Variants in GALNT17 observed in about 807,000 individuals in gnomAD.
GALNT17 encodes the protein polypeptide N-acetylgalactosaminyltransferase 17.
Under a neutral mutation model 63.7 loss-of-function variants are expected in GALNT17, and 29 were observed. The ratio of observed to expected loss-of-function variants is 0.46; its 90% CI spans 0.34 to 0.62. The LOEUF (loss-of-function observed/expected upper bound fraction) is 0.62. Among genes scored for constraint, GALNT17 ranks in the 20% least tolerant of loss-of-function variants. GALNT17 has a pLI of 0.01. For missense variants in GALNT17, 603 were observed against 799.6 expected (o/e 0.75, Z 2.97); for synonymous variants, 305 against 318.3 (o/e 0.96, Z 0.45).
At chr7:71,652,170 C>G (rs1415981793) in intron 6 of GALNT17, among the ~76,000 whole-genome samples, 2 of 152,042 alleles carry the variant, frequency 1.3e-5, no homozygotes, top group African/African-American at 4.8e-5. Context: ...AACTGCTCAT[C>G]ACAAAACACT....
chr7:71,512,530 C>T (rs1414513248), intron 5 of GALNT17, among the ~76,000 whole-genome samples: 1 of 152,190 alleles, frequency 6.6e-6, no homozygotes, highest in Non-Finnish European at 1.5e-5. Flanking sequence ...CTTCAGTCAG[C>T]TTGGGCCATG....
intron 1 of GALNT17, among the ~76,000 whole-genome samples, chr7:71,216,522 C>A (rs1350331777): frequency 1.3e-5 from 2 of 151,916 alleles, no homozygotes; most frequent in African/African-American, 2.4e-5. Context: ...GCGCTTCTTA[C>A]AACACACACA....
At chr7:71,389,888 A>T (rs573798140) in intron 3 of GALNT17, among the ~76,000 whole-genome samples, 6 of 152,162 alleles carry the variant, frequency 3.9e-5, no homozygotes, top group Admixed American at 3.9e-4. Context: ...TGAAAACTGT[A>T]CAACAGGCAA....
At chr7:71,189,567 G>T (rs1363588311) in intron 1 of GALNT17, among the ~76,000 whole-genome samples, 2 of 152,040 alleles carry the variant, frequency 1.3e-5, no homozygotes, top group African/African-American at 4.8e-5. Context: ...AATGATCTTG[G>T]CTGGGAGGAT....
chr7:71,352,246 T>C (rs1275331934), intron 2 of GALNT17, among the ~76,000 whole-genome samples: 4 of 152,216 alleles, frequency 2.6e-5, no homozygotes, highest in Non-Finnish European at 4.4e-5. Flanking sequence ...GCAGTGCCTT[T>C]TACCTTCTGC....
chr7:71,433,567 C>T (rs2116494958), intron 5 of GALNT17, among the ~76,000 whole-genome samples: 1 of 152,308 alleles, frequency 6.6e-6, no homozygotes, highest in African/African-American at 2.4e-5. Context: ...AGTCCTTCAA[C>T]AAGATGAAGA....
intron 6 of GALNT17, among the ~76,000 whole-genome samples, chr7:71,629,200 T>C (rs1468992373): frequency 6.6e-6 from 1 of 151,538 alleles, no homozygotes; most frequent in Admixed American, 6.6e-5. Context: ...CAAGTTAGGG[T>C]TCTAGCAGAG....
chr7:71,405,896 T>C (rs983299917), intron 3 of GALNT17, among the ~76,000 whole-genome samples: 12 of 152,188 alleles, frequency 7.9e-5, no homozygotes, highest in African/African-American at 2.9e-4. Context: ...TAGCACACGC[T>C]CTGTGCTTCC....
intron 1 of GALNT17, among the ~76,000 whole-genome samples, chr7:71,312,976 G>A (rs1459799396): frequency 6.6e-6 from 1 of 152,074 alleles, no homozygotes; most frequent in African/African-American, 2.4e-5. Flanking sequence ...GGGCATTGTG[G>A]TGTGTACCTG....
intron 6 of GALNT17, among the ~76,000 whole-genome samples, chr7:71,587,802 C>T (rs2116911104): frequency 6.6e-6 from 1 of 152,158 alleles, no homozygotes; most frequent in South Asian, 2.1e-4. Flanking sequence ...AATAGCCAAG[C>T]CACATGCCGG....
intron 5 of GALNT17, among the ~76,000 whole-genome samples, chr7:71,458,580 T>C (rs571947100): frequency 6.6e-5 from 10 of 152,190 alleles, no homozygotes; most frequent in Non-Finnish European, 1.5e-4. Context: ...GCCTGGGTTC[T>C]TGCCTGGTGT....
intron 3 of GALNT17, among the ~76,000 whole-genome samples, chr7:71,389,959 A>G (rs1793019995): frequency 6.6e-6 from 1 of 152,200 alleles, no homozygotes; most frequent in Admixed American, 6.5e-5. Flanking sequence ...CAGTTGGACA[A>G]AGGCGTGGCA....
At chr7:71,490,810 G>C (rs1171798467) in intron 5 of GALNT17, among the ~76,000 whole-genome samples, 1 of 152,172 alleles carries the variant, frequency 6.6e-6, no homozygotes, top group South Asian at 2.1e-4. Flanking sequence ...TGAGGCAGGA[G>C]GATCTCTTGA....
chr7:71,655,357 G>C (rs1790814551), intron 6 of GALNT17, among the ~76,000 whole-genome samples: 1 of 152,190 alleles, frequency 6.6e-6, no homozygotes, highest in Non-Finnish European at 1.5e-5. Context: ...CAGTAGTTCA[G>C]ATCTGATCGG....
At chr7:71,599,725 C>CA (rs1562705717) in intron 6 of GALNT17, among the ~76,000 whole-genome samples, 1 of 151,926 alleles carries the variant, frequency 6.6e-6, no homozygotes, top group African/African-American at 2.4e-5. Context: ...ATACCCCCCC[C>CA]ACCCCACCTT....
intron 5 of GALNT17, among the ~76,000 whole-genome samples, chr7:71,431,264 G>A (rs1192037129): frequency 7.6e-6 from 1 of 131,596 alleles, no homozygotes; most frequent in Non-Finnish European, 1.5e-5. Context: ...CAGGCTGGGT[G>A]TAGTGGTGTG....
At chr7:71,278,987 G>A (rs545897570) in intron 1 of GALNT17, among the ~76,000 whole-genome samples, 23 of 150,904 alleles carry the variant, frequency 1.5e-4, no homozygotes, top group Non-Finnish European at 2.2e-4. Context: ...GTGTATTAGC[G>A]CAATCTTGGC....
intron 2 of GALNT17, among the ~76,000 whole-genome samples, chr7:71,343,751 T>G (rs2107798): frequency 0.58 from 88,090 of 151,932 alleles, 25,663 homozygotes; most frequent in South Asian, 0.6. Flanking sequence ...TTTGCATCTT[T>G]TGTTCCAAAG....
chr7:71,362,514 G>T (rs893801373), intron 2 of GALNT17, among the ~76,000 whole-genome samples: 1 of 152,104 alleles, frequency 6.6e-6, no homozygotes, highest in Non-Finnish European at 1.5e-5. Flanking sequence ...TGCTTGGTTC[G>T]CTGGCTTCCT....
Sources: gnomAD v4.1 joint callset for allele counts (sites outside exome capture counted in the v4.1 genomes callset) on GRCh38, gnomAD v4.1.1 for gene constraint, MANE v1.5 for transcripts, NCBI Gene and HGNC (gene_info 2026-07-23, HGNC 2026-07-21) for gene names.